FLT1: variants seen among roughly 807,000 people sequenced by gnomAD.
The protein encoded by FLT1 is fms related receptor tyrosine kinase 1.
Under a neutral mutation model 156.3 loss-of-function variants are expected in FLT1, and 49 were observed. The observed-to-expected ratio is 0.31, with a 90% CI of 0.25 to 0.40. The LOEUF is 0.40. FLT1 is among the 10% of genes least tolerant of loss of function. The pLI is 1.00. For missense variants in FLT1, 1,322 were observed against 1,637.2 expected (o/e 0.81, Z 3.32); for synonymous variants, 594 against 583.8 (o/e 1.02, Z -0.25).
intron 20 of FLT1, among the ~76,000 whole-genome samples, chr13:28,324,419 T>C (rs569672222): frequency 1.0e-3 from 159 of 152,272 alleles, no homozygotes; most frequent in African/African-American, 3.7e-3. Flanking sequence ...AGCAGAGCAC[T>C]GGGAGAAAGC....
At position 28,308,900 on chromosome 13, in the gene FLT1, G is replaced by C. The variant is rs779359571; in HGVS notation, c.3663C>G (p.Ser1221Arg). ...VRYVNAFKFM[S>R]LERIKTFEEL... Reference sequence around the variant, plus strand: ...CTTCAAAGGTTTTGATTCTTTCCAGGCTCATGAACTTGAAAGCATTTACGT... The same window carrying C: ...CTTCAAAGGTTTTGATTCTTTCCAGCCTCATGAACTTGAAAGCATTTACGT... The change falls in exon 28 of 30, where the codon AGC (serine) becomes AGG (arginine). Residue 1221 changes from serine (S) to arginine (R), a missense_variant. Physicochemically the swap from Ser to Arg is moderately radical, Grantham distance 110. This residue lies in a region of FLT1 where 329 missense variants were observed against 366.2 expected (regional missense o/e 0.90). Transcript: ENST00000282397. 1.9e-6 allele frequency: 3 copies of C among 1,610,144 alleles called. No homozygotes were observed. The highest frequency in any genetic ancestry group is 8.5e-7 in the Non-Finnish European group (1 of 1,176,336).
intron 10 of FLT1, among the ~76,000 whole-genome samples, chr13:28,410,821 A>T (rs1376206059): frequency 1.3e-5 from 2 of 152,236 alleles, no homozygotes; most frequent in Admixed American, 6.5e-5. Flanking sequence ...TGAGACTCAG[A>T]AAAATCAAAT....
intron 15 of FLT1, among the ~76,000 whole-genome samples, chr13:28,352,159 G>C (rs974051259): frequency 2.0e-5 from 3 of 152,198 alleles, no homozygotes; most frequent in African/African-American, 7.2e-5. Flanking sequence ...AACAGAGCAG[G>C]ATGGTTGAAC....
intron 17 of FLT1, among the ~76,000 whole-genome samples, chr13:28,335,870 G>A (rs2138847611): frequency 6.6e-6 from 1 of 152,312 alleles, no homozygotes; most frequent in South Asian, 2.1e-4. Context: ...AGCCTCCAGT[G>A]GATCCTGAAA....
At chr13:28,307,866 G>T (rs1870818747) in intron 28 of FLT1, among the ~76,000 whole-genome samples, 2 of 152,034 alleles carry the variant, frequency 1.3e-5, no homozygotes, top group South Asian at 2.1e-4. Flanking sequence ...CCGCCTCCCG[G>T]GTTCACGCCA....
intron 8 of FLT1, 47 bp from the exon 9 acceptor site, chr13:28,427,968 A>G (rs1468129036): frequency 1.4e-5 from 21 of 1,522,556 alleles, no homozygotes; most frequent in Admixed American, 3.3e-5. Flanking sequence ...CGGCCTCTCA[A>G]TATCACTTTG....
intron 20 of FLT1, among the ~76,000 whole-genome samples, chr13:28,326,997 G>A (rs1250445307): frequency 1.3e-5 from 2 of 152,200 alleles, no homozygotes; most frequent in Non-Finnish European, 2.9e-5. Flanking sequence ...AATGATTTTT[G>A]GCCCTGGCCA....
chr13:28,488,598 G>C (rs1881300411), intron 1 of FLT1, among the ~76,000 whole-genome samples: 1 of 152,208 alleles, frequency 6.6e-6, no homozygotes, highest in African/African-American at 2.4e-5. Flanking sequence ...GCACGTTTTG[G>C]AGTATGATGT....
At chr13:28,423,426 C>T (rs9513111) in intron 10 of FLT1, among the ~76,000 whole-genome samples, 113,098 of 152,120 alleles carry the variant, frequency 0.74, 42,172 homozygotes, top group Non-Finnish European at 0.75. Flanking sequence ...AATTACTATT[C>T]TTAAAGCACA....
chr13:28,341,424 C>T (rs1415752146), intron 16 of FLT1, among the ~76,000 whole-genome samples: 1 of 152,128 alleles, frequency 6.6e-6, no homozygotes, highest in Non-Finnish European at 1.5e-5. Context: ...TTCTGCTCAC[C>T]CACACACATA....
intron 3 of FLT1, among the ~76,000 whole-genome samples, chr13:28,461,939 GC>G (rs1318741862): frequency 6.6e-6 from 1 of 152,144 alleles, no homozygotes; most frequent in East Asian, 1.9e-4. Flanking sequence ...CTTTAATAGA[GC>G]CAAAGAGGAA....
At chr13:28,477,902 G>A (rs1243587406) in intron 1 of FLT1, among the ~76,000 whole-genome samples, 2 of 152,208 alleles carry the variant, frequency 1.3e-5, no homozygotes, top group African/African-American at 2.4e-5. Context: ...GAAGAGACAT[G>A]ACAACTGATT....
intron 13 of FLT1, chr13:28,389,120 C>A (rs992462866): frequency 9.4e-7 from 1 of 1,063,528 alleles, no homozygotes; most frequent in Non-Finnish European, 1.1e-6. Flanking sequence ...TTTAGAAGCT[C>A]CAGTTCAAGA....
At chr13:28,483,055 T>C (rs1324737474) in intron 1 of FLT1, among the ~76,000 whole-genome samples, 1 of 152,154 alleles carries the variant, frequency 6.6e-6, no homozygotes, top group African/African-American at 2.4e-5. Context: ...ACACATATAT[T>C]TTTCTCTAGT....
At chr13:28,467,235 T>C (rs1029447933) in intron 2 of FLT1, 106 bp from the exon 3 acceptor site, 1 of 852,922 alleles carries the variant, frequency 1.2e-6, no homozygotes, top group Admixed American at 1.8e-5. Flanking sequence ...CTCTCTTAAG[T>C]GTAGTCATCT....
intron 10 of FLT1, 72 bp downstream of exon 10, chr13:28,427,087 G>A (rs1284393134): frequency 8.9e-6 from 12 of 1,347,496 alleles, no homozygotes; most frequent in East Asian, 4.6e-5. Context: ...TCCCATCTGC[G>A]TCCATTAAAA....
At position 28,300,973 on chromosome 13, in the gene FLT1, TTGAC is replaced by T. The variant is rs1235946468; in HGVS notation, c.*2190_*2193del. On this transcript the variant is annotated 3_prime_UTR_variant, in exon 30 of 30. Coordinates refer to ENST00000282397, the MANE Select transcript of FLT1 (RefSeq NM_002019.4). ...TTAAGACTCCAGATGGAACCATTCT[TTGAC>T]TGATGGATGGACTCATGTATGCTAC... is the stretch of plus-strand genomic sequence containing the variant. 7.3e-5 allele frequency: 17 copies of T among 232,842 alleles called. No homozygotes were observed. The highest frequency in any genetic ancestry group is 8.8e-5 in the African/African-American group (4 of 45,346). 14.4% of individuals were successfully genotyped at this position (232,842 alleles called of 1,614,324 possible). A position where few individuals can be genotyped will look rare whatever the true frequency, so the allele number is the denominator to read the frequency against.
At chr13:28,369,417 CA>C (rs1234321292) in intron 14 of FLT1, among the ~76,000 whole-genome samples, 2 of 151,956 alleles carry the variant, frequency 1.3e-5, no homozygotes, top group Non-Finnish European at 2.9e-5. Context: ...CCCAGCTACT[CA>C]CGAGGCTGAG....
rs1872027343 is a variant in FLT1, at chr13:28,334,066, T to C, written c.2552A>G (p.Lys851Arg). 6.2e-7 allele frequency: 1 copy of C among 1,613,804 alleles called. No homozygotes were observed. Among genetic ancestry groups the C allele is most frequent in the Non-Finnish European group, 8.5e-7 (1 of 1,179,788 alleles). The change falls in exon 18 of 30, where the codon AAA becomes AGA. Residue 851 changes from lysine to arginine, a missense_variant. Lys to Arg is a conservative substitution (Grantham distance 26, BLOSUM62 2). Around this residue, in one of 3 missense-constraint regions of FLT1, gnomAD observed 991 missense variants for 1,254.8 expected, o/e 0.79. Transcript: ENST00000282397. ...AGCCACAGTCCGGCACGTAGGTGAT[T>C]TCTTAATGCCAAATGCTGATGCTTG... ...VVQASAFGIK[K>R]SPTCRTVAVK...
Sources: allele counts gnomAD v4.1 joint callset (sites outside exome capture counted in the v4.1 genomes callset), GRCh38; gene constraint gnomAD v4.1.1; regional missense constraint gnomAD v4.1.1; transcripts MANE v1.5; gene names NCBI Gene and HGNC (gene_info 2026-07-23, HGNC 2026-07-21).